The following CPXM2 variants were observed in gnomAD, a reference collection of about 807,000 sequenced individuals.
The protein encoded by CPXM2 is carboxypeptidase X, M14 family member 2.
A neutral mutation model predicts 86.1 loss-of-function variants in CPXM2; 66 were observed. The ratio of observed to expected loss-of-function variants is 0.77; its 90% confidence interval spans 0.63 to 0.94. The LOEUF (loss-of-function observed/expected upper bound fraction) is 0.94, where lower values mean the gene tolerates loss of function less well. Among genes scored for constraint, CPXM2 ranks in the 40% least tolerant of loss-of-function variants. The pLI is 0.00. For missense variants in CPXM2, 948 were observed against 1,026.3 expected, an observed-to-expected ratio of 0.92 and a Z score of 1.04; for synonymous variants, 388 against 400.2, an observed-to-expected ratio of 0.97 and a Z score of 0.36.
intron 2 of CPXM2, among the ~76,000 whole-genome samples, chr10:123,937,466 AAAC>A (rs1277591195): frequency 7.7e-5 from 8 of 103,838 alleles, no homozygotes; most frequent in African/African-American, 3.3e-4. Flanking sequence ...CAAGACAACA[AAAC>A]AACACACACA....
intron 3 of CPXM2, among the ~76,000 whole-genome samples, chr10:123,856,894 A>G (rs1426197099): frequency 6.6e-6 from 1 of 152,160 alleles, no homozygotes; most frequent in East Asian, 1.9e-4. Context: ...ACCTAGCCCT[A>G]AGCATGATTT....
chr10:123,918,394 C>T (rs1240340565), intron 2 of CPXM2, among the ~76,000 whole-genome samples: 1 of 152,124 alleles, frequency 6.6e-6, no homozygotes, highest in African/African-American at 2.4e-5. Context: ...TCAGGACAGA[C>T]TATATAAAAT....
At chr10:123,777,857 T>C (rs1481828361) in intron 7 of CPXM2, 2 of 152,222 alleles carry the variant, frequency 1.3e-5, no homozygotes, top group Admixed American at 6.5e-5. Context: ...TGTACACTTA[T>C]GGATGATAAA....
At chr10:123,798,493 G>A (rs185385480) in intron 5 of CPXM2, among the ~76,000 whole-genome samples, 246 of 152,280 alleles carry the variant, frequency 1.6e-3, no homozygotes, top group Admixed American at 4.6e-3. Flanking sequence ...GATCCGTAGG[G>A]ATGAGAGGGT....
chr10:123,873,143 C>A (rs114963737), intron 2 of CPXM2, among the ~76,000 whole-genome samples: 1,732 of 152,106 alleles, frequency 0.011, 45 homozygotes, highest in African/African-American at 0.04. Context: ...ATATACATTA[C>A]GATTTATACT....
At chr10:123,884,281 G>A (rs1179415237) in intron 1 of CPXM2, among the ~76,000 whole-genome samples, 1 of 152,198 alleles carries the variant, frequency 6.6e-6, no homozygotes, top group African/African-American at 2.4e-5. Context: ...CAGAATTGCA[G>A]CATTAAGGCT....
intron 4 of CPXM2, among the ~76,000 whole-genome samples, chr10:123,807,358 G>T (rs1847602176): frequency 6.6e-6 from 1 of 152,144 alleles, no homozygotes; most frequent in African/African-American, 2.4e-5. Flanking sequence ...ATAATCCAGG[G>T]TGATAGAAGA....
At position 123,934,050 on chromosome 10, in the gene CPXM2, G is replaced by T. The variant is rs543735772; in HGVS notation, n.174+5427C>A. Among the ~76,000 whole-genome samples, 6 of 152,148 alleles carry T rather than the reference G, an allele frequency of 3.9e-5. No homozygotes were observed. The East Asian group carries it at 9.6e-4, about 24-fold the overall frequency. The stretch of plus-strand genomic sequence containing the variant: ...AATTAGGGCTGCTCCTGGAGCCGGG[G>T]TAAGTCCTCTTCACTTTTGTAATGT... On this transcript the variant is annotated intron_variant and non_coding_transcript_variant, in intron 2 of 19. Coordinates refer to the CPXM2 transcript ENST00000368854.
At chr10:123,768,999 T>C (rs1256377357) in intron 8 of CPXM2, among the ~76,000 whole-genome samples, 2 of 152,126 alleles carry the variant, frequency 1.3e-5, no homozygotes, top group Non-Finnish European at 2.9e-5. Flanking sequence ...TCAAATAACA[T>C]AGTGCTGAGG....
intron 13 of CPXM2, among the ~76,000 whole-genome samples, chr10:123,748,075 C>T (rs150734290): frequency 3.3e-5 from 5 of 152,024 alleles, no homozygotes; most frequent in African/African-American, 1.2e-4. Flanking sequence ...ACCACCCACA[C>T]GCAAAAAGAC....
rs115062543 is a variant in CPXM2, at chr10:123,898,320, G to A, written n.175-18011C>T. ...AAAAAAATTCTAAGCCAGGCGCAAT[G>A]GCACACACCTGTAGTCCCAACTACT... is the stretch of plus-strand genomic sequence containing the variant. On this transcript the variant is annotated intron_variant and non_coding_transcript_variant, in intron 2 of 19. Transcript: ENST00000368854. 5.0e-3 allele frequency among the ~76,000 whole-genome samples: 756 copies of A among 152,236 alleles called. 3 individuals carry two copies. The highest frequency in any genetic ancestry group is 0.017 in the African/African-American group (723 of 41,518).
At chr10:123,900,913 A>G (rs1945376147) in intron 2 of CPXM2, among the ~76,000 whole-genome samples, 1 of 152,202 alleles carries the variant, frequency 6.6e-6, no homozygotes, top group African/African-American at 2.4e-5. Flanking sequence ...TACTGAATTG[A>G]ATGAATCGAT....
chr10:123,768,019 C>T (rs1343118089), intron 9 of CPXM2, among the ~76,000 whole-genome samples: 2 of 152,218 alleles, frequency 1.3e-5, no homozygotes, highest in African/African-American at 2.4e-5. Flanking sequence ...TCAAGGCCAC[C>T]ATCATTCTCA....
chr10:123,862,387 C>A (rs1848868903), intron 3 of CPXM2, among the ~76,000 whole-genome samples: 1 of 152,210 alleles, frequency 6.6e-6, no homozygotes, highest in Admixed American at 6.5e-5. Context: ...AACCTGGGTC[C>A]AGGTACTGGT....
At chr10:123,773,174 C>T (rs1846691411) in intron 7 of CPXM2, among the ~76,000 whole-genome samples, 1 of 152,050 alleles carries the variant, frequency 6.6e-6, no homozygotes, top group Non-Finnish European at 1.5e-5. Context: ...GTTATTGCCT[C>T]CCTGGTTGTG....
rs1051148040 is a variant in CPXM2 at position 123,862,626 on chromosome 10, T to G, written c.501A>C (p.Arg167Ser). ...KRYGLGAHRG[R>S]LNIQAGINEN... ...CAGGGCCAGGTACCTGGATGTTGAG[T>G]CTCCCTCGATGTGCCCCCAGGCCAT... is the stretch of plus-strand genomic sequence containing the variant. Residue 167 changes from arginine (R) to serine (S), a missense_variant, in exon 3 of 14, where the codon AGA becomes AGC. Transcript: ENST00000241305. 6.2e-7 allele frequency: 1 copy of G among 1,614,104 alleles called. No individual in the cohort carries two copies.
intron 2 of CPXM2, among the ~76,000 whole-genome samples, chr10:123,922,566 C>T (rs1232195018): frequency 1.3e-5 from 2 of 152,194 alleles, no homozygotes; most frequent in African/African-American, 4.8e-5. Context: ...CCAGCTTGCA[C>T]CTGTGGCAAG....
intron 2 of CPXM2, among the ~76,000 whole-genome samples, chr10:123,878,549 T>TGTGTG: frequency 7.5e-6 from 1 of 133,660 alleles, no homozygotes; most frequent in African/African-American, 3.1e-5. Flanking sequence ...GTGTGTGTAA[T>TGTGTG]TGAGTCTTCA....
At chr10:123,908,028 CAG>C (rs1010172979) in intron 2 of CPXM2, among the ~76,000 whole-genome samples, 44 of 152,016 alleles carry the variant, frequency 2.9e-4, no homozygotes, top group Admixed American at 1.1e-3. Context: ...AGACTTTAAA[CAG>C]GGGAGAGATG....
Sources: allele counts gnomAD v4.1 joint callset (sites outside exome capture counted in the v4.1 genomes callset), GRCh38; gene constraint gnomAD v4.1.1; transcripts MANE v1.5; gene names NCBI Gene and HGNC (gene_info 2026-07-23, HGNC 2026-07-21).